NXN: variants seen among roughly 807,000 people sequenced by gnomAD.
NXN encodes the protein nucleoredoxin 1.
NXN carries 16 observed loss-of-function variants against 48.6 expected under a neutral mutation model. That is an observed-to-expected ratio of 0.33 (90% confidence interval 0.22 to 0.50). NXN has a LOEUF of 0.50. Among genes scored for constraint, NXN ranks in the 20% least tolerant of loss-of-function variants. NXN has a pLI of 0.98. For synonymous variants in NXN, 281 were observed against 269.6 expected (o/e 1.04, Z -0.41); for missense variants, 492 against 605.5 (o/e 0.81, Z 1.97).
At position 825,773 on chromosome 17, in the gene NXN, G is replaced by T; in HGVS notation, c.478+188C>A. ...CCCTAGGAGGGACATTCTGATCCCT[G>T]TGAAAATCTTAAAACCATGTCCTAG... is the stretch of plus-strand genomic sequence containing the variant. On this transcript the variant is annotated intron_variant, in intron 2 of 7. Coordinates refer to ENST00000336868, the MANE Select transcript of NXN (RefSeq NM_022463.5). This position sits in a 1 kb window ranked among gnomAD's most constrained non-coding sequence, Gnocchi z 4.1. 1 of 566,192 alleles carries T rather than the reference G, an allele frequency of 1.8e-6. No individual in the cohort carries two copies. Among genetic ancestry groups the T allele is most frequent in the Non-Finnish European group, 3.2e-6 (1 of 316,930 alleles). The allele number at this position is 566,192 out of a possible 1,614,324, so 35.1% of individuals were successfully genotyped here. A position where few individuals can be genotyped will look rare whatever the true frequency, so the allele number is the denominator to read the frequency against.
At chr17:801,783 A>G (rs1240304240) in intron 7 of NXN, among the ~76,000 whole-genome samples, 1 of 152,146 alleles carries the variant, frequency 6.6e-6, no homozygotes, top group Admixed American at 6.6e-5. Flanking sequence ...TTTGTAACCA[A>G]CTGTCAATGA....
intron 1 of NXN, among the ~76,000 whole-genome samples, chr17:838,384 G>C (rs559773375): frequency 8.4e-4 from 128 of 152,030 alleles, no homozygotes; most frequent in Non-Finnish European, 1.7e-3. Flanking sequence ...CGCCCACCTC[G>C]GCCTCCCCAG....
At chr17:803,852 G>C in intron 6 of NXN, 46 bp from the exon 7 acceptor site, 1 of 1,610,600 alleles carries the variant, frequency 6.2e-7, no homozygotes, top group Non-Finnish European at 8.5e-7. Context: ...AAAAAGCACT[G>C]GCTTGTCAAA....
chr17:841,808 C>T (rs1914339770), intron 1 of NXN, among the ~76,000 whole-genome samples: 1 of 151,950 alleles, frequency 6.6e-6, no homozygotes, highest in Non-Finnish European at 1.5e-5. Context: ...AAGCAGCAAT[C>T]CTTCTGATTA....
At position 958,710 on chromosome 17, in the gene NXN, C is replaced by T. The variant is rs549596526; in HGVS notation, c.360+20609G>A. On this transcript the variant is annotated intron_variant, in intron 1 of 7. Transcript: ENST00000336868. The surrounding 1 kb of genome is among the most constrained non-coding windows in gnomAD (Gnocchi z 6.9). The stretch of plus-strand genomic sequence containing the variant: ...CACCGAGGCGGAGGTAGAAGTGAGC[C>T]CAGATTGTGCCACTGAACTCCAGCA... 1.1e-4 allele frequency among the ~76,000 whole-genome samples: 17 copies of T among 152,076 alleles called. 1 individual carries two copies. In the East Asian group the frequency reaches 2.5e-3, roughly 23 times the overall value.
intron 1 of NXN, among the ~76,000 whole-genome samples, chr17:881,381 G>A (rs923879447): frequency 4.6e-5 from 7 of 152,096 alleles, no homozygotes; most frequent in African/African-American, 1.4e-4. Flanking sequence ...GATTAGAAAC[G>A]CGTACCACCA....
intron 1 of NXN, 147 bp downstream of exon 1, chr17:979,172 C>A: frequency 1.0e-5 from 2 of 197,260 alleles, no homozygotes; most frequent in South Asian, 8.1e-5. Flanking sequence ...GGTCGGGGGG[C>A]GGGGGACTGG....
At chr17:929,713 C>G (rs767267653) in intron 1 of NXN, 8 of 152,140 alleles carry the variant, frequency 5.3e-5, no homozygotes, top group Non-Finnish European at 8.8e-5. Context: ...CTGACCCAAC[C>G]GGAGGAGGCT....
intron 1 of NXN, among the ~76,000 whole-genome samples, chr17:952,930 T>C (rs1353928206): frequency 1.3e-5 from 2 of 152,108 alleles, no homozygotes; most frequent in African/African-American, 4.8e-5. Context: ...AGGACCCACT[T>C]CTCCGTCCTG....
intron 1 of NXN, among the ~76,000 whole-genome samples, chr17:908,634 G>T (rs2663357): frequency 0.076 from 11,504 of 152,112 alleles, 1,074 homozygotes; most frequent in African/African-American, 0.22. Flanking sequence ...TCCCAAACAT[G>T]TACCAAAGGC....
intron 1 of NXN, among the ~76,000 whole-genome samples, chr17:953,393 A>C (rs751679447): frequency 4.5e-4 from 69 of 151,656 alleles, no homozygotes; most frequent in Non-Finnish European, 9.7e-4. Flanking sequence ...CCAGCCTGGG[A>C]GACAGAGCGA....
intron 1 of NXN, among the ~76,000 whole-genome samples, chr17:903,268 C>A (rs1322974244): frequency 6.7e-6 from 1 of 149,010 alleles, no homozygotes; most frequent in Non-Finnish European, 1.5e-5. Context: ...TGCAGTGGTG[C>A]CATCTTGGCT....
chr17:938,696 A>G lies in NXN; in HGVS notation c.360+40623T>C, dbSNP rs185022186. Among the ~76,000 whole-genome samples, 115 of 152,138 alleles carry G rather than the reference A, an allele frequency of 7.6e-4. 1 individual carries two copies. In the Middle Eastern group the frequency reaches 0.02, roughly 27 times the overall value. On this transcript the variant is annotated intron_variant, in intron 1 of 7. Coordinates refer to ENST00000336868, the MANE Select transcript of NXN (RefSeq NM_022463.5). The stretch of plus-strand genomic sequence containing the variant: ...GAGACACTGTCTCAAAAAACAAAAC[A>G]AAAAACAAAAACAAAAAGAAAGAAA...
At chr17:918,406 C>T (rs1165142437) in intron 1 of NXN, among the ~76,000 whole-genome samples, 1 of 152,192 alleles carries the variant, frequency 6.6e-6, no homozygotes, top group African/African-American at 2.4e-5. Context: ...GTGAACTGGG[C>T]TCAGGGAGGC....
chr17:826,422 G>C (rs1276978459), intron 1 of NXN, among the ~76,000 whole-genome samples: 2 of 152,158 alleles, frequency 1.3e-5, no homozygotes, highest in Admixed American at 6.5e-5. Flanking sequence ...GGAGGCTGAT[G>C]GAGGACCACA....
At chr17:868,641 A>T (rs750382625) in intron 1 of NXN, among the ~76,000 whole-genome samples, 18 of 152,026 alleles carry the variant, frequency 1.2e-4, no homozygotes, top group African/African-American at 4.3e-4. Context: ...ACAGGCGCCC[A>T]CCACCACGCC....
intron 1 of NXN, among the ~76,000 whole-genome samples, chr17:974,743 AT>A (rs1430029103): frequency 1.3e-5 from 2 of 152,062 alleles, no homozygotes; most frequent in African/African-American, 4.8e-5. Flanking sequence ...AAACAAAGAG[AT>A]TAAAAAATAT....
intron 1 of NXN, among the ~76,000 whole-genome samples, chr17:960,859 C>A (rs2069228398): frequency 1.3e-5 from 2 of 148,810 alleles, no homozygotes; most frequent in South Asian, 4.2e-4. Context: ...AATCTCGGCT[C>A]ACTGCAAGCT....
intron 1 of NXN, among the ~76,000 whole-genome samples, chr17:947,156 A>G (rs1262544403): frequency 1.3e-5 from 2 of 152,162 alleles, no homozygotes; most frequent in African/African-American, 2.4e-5. Flanking sequence ...TACGAACCCC[A>G]TTCTAGATGA....
Sources: gnomAD v4.1 joint callset for allele counts (sites outside exome capture counted in the v4.1 genomes callset) on GRCh38, gnomAD v4.1.1 for gene constraint, Gnocchi (gnomAD v3.1) non-coding constraint, MANE v1.5 for transcripts, NCBI Gene and HGNC (gene_info 2026-07-23, HGNC 2026-07-21) for gene names.